Variants in ZNF414 observed in about 807,000 individuals in gnomAD.
ZNF414 encodes zinc finger protein 414.
In ZNF414, 32 loss-of-function variants were observed where a neutral mutation model predicts 38.3. The observed-to-expected ratio is 0.83, with a 90% CI of 0.63 to 1.12. ZNF414 has a LOEUF of 1.12. Ranked by LOEUF, ZNF414 falls within the 50% of genes most tolerant of loss-of-function variation. ZNF414 has a pLI of 0.00. For synonymous variants in ZNF414, 256 were observed against 248.0 expected (o/e 1.03, Z -0.30); for missense variants, 589 against 557.4 (o/e 1.06, Z -0.57).
At chr19:8,511,992 G>A in intron 4 of ZNF414, 32 bp from the exon 5 acceptor site, 2 of 1,401,222 alleles carry the variant, frequency 1.4e-6, no homozygotes, top group Non-Finnish European at 1.8e-6. Context: ...GGCTGGGCTG[G>A]GCCTCCAGGG....
In ZNF414 at chr19:8,511,503, C is replaced by T. The variant is rs373977921; in HGVS notation, c.908G>A (p.Gly303Asp). 1.3e-5 allele frequency: 21 copies of T among 1,609,914 alleles called. No individual in the cohort carries two copies. Among genetic ancestry groups the T allele is most frequent in the Non-Finnish European group, 1.8e-5 (21 of 1,178,506 alleles). ...GCACGCACCTGAGGGCGCGTCGGAG[C>T]CGCCCTGGGGTCTTCGGGGGCTGCT... The part of the protein sequence containing the change: ...AGSSPRRPQG[G>D]SDAPSGHAAP... Residue 303 changes from glycine to aspartate, a missense_variant, in exon 6 of 8, where the codon GGC becomes GAC. Physicochemically the swap from Gly to Asp is moderately conservative, Grantham distance 94. Coordinates refer to ENST00000393927, the MANE Select transcript of ZNF414 (RefSeq NM_001146175.2).
rs1064009 is a variant in ZNF414, at chr19:8,513,234, A to G, written c.111T>C (p.Pro37=). 0.17 allele frequency: 273,322 copies of G among 1,584,796 alleles called. 24,514 individuals carry two copies. Among genetic ancestry groups the G allele is most frequent in the African/African-American group, 0.29 (21,597 of 74,646 alleles). ...CTGGCTCCTCCGACATGGAGGAGGA[A>G]GGGGCTGCAGCTGGCACAGCCGGGG... ...VLSPAVPAAA[P]SSSMSEEPGP... is the part of the protein sequence containing the mutation. The change falls in exon 2 of 8, where the codon CCT becomes CCC. Residue 37 remains proline (P), a synonymous_variant. Transcript: ENST00000393927.
In ZNF414 at chr19:8,509,921, G is replaced by T. The variant is rs560779556; in HGVS notation, c.*770C>A. 6.6e-6 allele frequency: 1 copy of T among 152,062 alleles called. No homozygotes were observed. The highest frequency in any genetic ancestry group is 2.0e-4 in the East Asian group (1 of 5,036). The allele number at this position is 152,062 out of a possible 1,614,324, so 9.4% of individuals were successfully genotyped here. The stretch of plus-strand genomic sequence containing the variant: ...GCTGGTCTCGAACTCCTGACCTCAG[G>T]TGCTCCACCTGCCCCAGCCTCCCAA... On this transcript the variant is annotated 3_prime_UTR_variant, in exon 8 of 8. Coordinates refer to ENST00000393927, the MANE Select transcript of ZNF414 (RefSeq NM_001146175.2).
chr19:8,511,594 G>T, intron 5 of ZNF414, 23 bp downstream of exon 5: 1 of 1,524,188 alleles, frequency 6.6e-7, no homozygotes, highest in South Asian at 1.3e-5. Context: ...AGCCCTCCTG[G>T]AGGCCCCCGA....
At chr19:8,512,128 G>GAACTTGGGGA (rs1246957141) in intron 4 of ZNF414, 168 bp from the exon 5 acceptor site, 10 of 1,375,206 alleles carry the variant, frequency 7.3e-6, no homozygotes, top group Non-Finnish European at 9.4e-6. Flanking sequence ...CTTCGGGTGG[G>GAACTTGGGGA]AACCTGGGGA....
rs1971933852 is a variant in ZNF414, at chr19:8,512,594, C to T, written c.424+10G>A. On this transcript the variant is annotated intron_variant, in intron 3 of 7. Coordinates refer to ENST00000393927, the MANE Select transcript of ZNF414 (RefSeq NM_001146175.2). Reference sequence around the variant, plus strand: ...CTAACCTGCCTCCCCATTACCAGTCCTGGCCCTACCTTCCAGGGACTGTGT... The same window carrying T: ...CTAACCTGCCTCCCCATTACCAGTCTTGGCCCTACCTTCCAGGGACTGTGT... 10 of 1,591,386 alleles carry T rather than the reference C, an allele frequency of 6.3e-6. No homozygotes were observed. The highest frequency in any genetic ancestry group is 8.6e-6 in the Non-Finnish European group (10 of 1,167,508).
In ZNF414 at chr19:8,511,915, G is replaced by C; in HGVS notation, c.576C>G (p.Phe192Leu). The part of the protein sequence containing the change: ...LLRFRTHRSL[F>L]KHLHVCAEHA... ...GCTCCGCGCAAACATGCAGGTGCTT[G>C]AAGAGCGAGCGGTGCGTGCGGAAGC... Residue 192 changes from phenylalanine (F) to leucine (L), a missense_variant, in exon 5 of 8, where the codon TTC becomes TTG. By Grantham distance (22) the Phe-to-Leu change is conservative. Coordinates refer to ENST00000393927, the MANE Select transcript of ZNF414 (RefSeq NM_001146175.2). The C allele has an allele frequency of 1.4e-6, 2 of 1,416,234 alleles. No homozygotes were observed. Among genetic ancestry groups the C allele is most frequent in the Non-Finnish European group, 1.8e-6 (2 of 1,092,908 alleles). The allele number at this position is 1,416,234 out of a possible 1,614,324, so 87.7% of individuals were successfully genotyped here. A position where few individuals can be genotyped will look rare whatever the true frequency, so the allele number is the denominator to read the frequency against.
In ZNF414 at chr19:8,512,995, CTG is replaced by C. The variant is rs1254938054; in HGVS notation, c.316+32_316+33del. On this transcript the variant is annotated intron_variant, in intron 2 of 7. Transcript: ENST00000393927. The stretch of plus-strand genomic sequence containing the variant: ...CGTCTCGCTTCTATTGTTTCAGGGA[CTG>C]TGATTCCCCAGAAGACCCCATCACA... The C allele has an allele frequency of 3.5e-6, 5 of 1,435,782 alleles. No homozygotes were observed. The African/African-American group carries it at 5.8e-5, about 17-fold the overall frequency. 88.9% of individuals were successfully genotyped at this position (1,435,782 alleles called of 1,614,324 possible).
rs1447266068 is a variant in ZNF414 at position 8,510,915 on chromosome 19, C to T, written c.1035G>A (p.Glu345=). Reference sequence around the variant, plus strand: ...CCGCGGGGGCGCCGGGGCGGTGGTCCTCCAGGTGCAGGGTCATGGCGGGCC... The same window carrying T: ...CCGCGGGGGCGCCGGGGCGGTGGTCTTCCAGGTGCAGGGTCATGGCGGGCC... ...ASRPAMTLHL[E]DHRPGAPAAP... Residue 345 remains glutamate (E), a synonymous_variant, in exon 7 of 8, where the codon GAG becomes GAA. Coordinates refer to ENST00000393927, the MANE Select transcript of ZNF414 (RefSeq NM_001146175.2). 3.3e-6 allele frequency: 4 copies of T among 1,210,188 alleles called. No individual in the cohort carries two copies. Among genetic ancestry groups the T allele is most frequent in the Non-Finnish European group, 4.1e-6 (4 of 972,560 alleles). 75.0% of individuals were successfully genotyped at this position (1,210,188 alleles called of 1,614,324 possible).
In ZNF414 at chr19:8,510,348, T is replaced by G; in HGVS notation, c.*343A>C. The G allele has an allele frequency of 2.3e-5, 5 of 216,006 alleles. No homozygotes were observed. Among genetic ancestry groups the G allele is most frequent in the East Asian group, 9.2e-5 (1 of 10,908 alleles). The allele number at this position is 216,006 out of a possible 1,614,324, so 13.4% of individuals were successfully genotyped here. A position where few individuals can be genotyped will look rare whatever the true frequency, so the allele number is the denominator to read the frequency against. On this transcript the variant is annotated 3_prime_UTR_variant, in exon 8 of 8. Coordinates refer to ENST00000393927, the MANE Select transcript of ZNF414 (RefSeq NM_001146175.2). The stretch of plus-strand genomic sequence containing the variant: ...AGAAAACTGGAGAGTCCCCATCCCA[T>G]TTGGTTTCTGGACAAGGGAGAACGC...
chr19:8,510,544 A>C lies in ZNF414; in HGVS notation c.*147T>G. On this transcript the variant is annotated 3_prime_UTR_variant, in exon 8 of 8. Transcript: ENST00000393927. ...CATGACTGCTGGGCTCGAGCCCACT[A>C]TGCTTTGGATGGACAAGGGATGGGA... The C allele has an allele frequency of 4.4e-6, 4 of 917,100 alleles. No individual in the cohort carries two copies. Among genetic ancestry groups the C allele is most frequent in the Non-Finnish European group, 6.3e-6 (4 of 637,572 alleles). 56.8% of individuals were successfully genotyped at this position (917,100 alleles called of 1,614,324 possible).
In ZNF414 at chr19:8,512,720, C is replaced by A. The variant is rs371345891; in HGVS notation, c.317-9G>T. 25 of 1,509,286 alleles carry A rather than the reference C, an allele frequency of 1.7e-5. No individual in the cohort carries two copies. In the South Asian group the frequency reaches 3.3e-4, roughly 20 times the overall value. 93.5% of individuals were successfully genotyped at this position (1,509,286 alleles called of 1,614,324 possible). ...GCAAGGGATTTGCTTCCCTGCAGGACGCACAGAACAGTGGTCACTGGTCCC... is the reference window on the plus strand; with the variant it reads ...GCAAGGGATTTGCTTCCCTGCAGGAAGCACAGAACAGTGGTCACTGGTCCC... On this transcript the variant is annotated splice_polypyrimidine_tract_variant and intron_variant, in intron 2 of 7. Coordinates refer to ENST00000393927, the MANE Select transcript of ZNF414 (RefSeq NM_001146175.2).
intron 1 of ZNF414, 117 bp downstream of exon 1, chr19:8,513,927 G>T: frequency 8.1e-7 from 1 of 1,234,682 alleles, no homozygotes; most frequent in East Asian, 3.2e-5. Context: ...GACAGCCAGC[G>T]GCGGACGGGT....
rs11671768 is a variant in ZNF414, at chr19:8,510,234, G to C, written c.*457C>G. 29,738 of 149,300 alleles carry C rather than the reference G, an allele frequency of 0.2. 3,264 individuals are homozygous for C. The highest frequency in any genetic ancestry group is 0.28 in the African/African-American group (11,284 of 40,410). The allele number at this position is 149,300 out of a possible 1,614,324, so 9.2% of individuals were successfully genotyped here. A position where few individuals can be genotyped will look rare whatever the true frequency, so the allele number is the denominator to read the frequency against. On this transcript the variant is annotated 3_prime_UTR_variant, in exon 8 of 8. Coordinates refer to ENST00000393927, the MANE Select transcript of ZNF414 (RefSeq NM_001146175.2). ...GAACCCAGGAGGTGGAGCTTGCAGT[G>C]AGAGGAGATTGTGCCACTGCACTCC...
rs774731980 is a variant in ZNF414 at position 8,512,696 on chromosome 19, C to G, written c.332G>C (p.Cys111Ser). 20 of 1,548,422 alleles carry G rather than the reference C, an allele frequency of 1.3e-5. No individual in the cohort carries two copies. The highest frequency in any genetic ancestry group is 4.6e-5 in the East Asian group (2 of 43,756). The change falls in exon 3 of 8, where the codon TGC becomes TCC. Residue 111 changes from cysteine (C) to serine (S), a missense_variant. Physicochemically the swap from Cys to Ser is moderately radical, Grantham distance 112. Transcript: ENST00000393927. ...ACTGAGGCAGCAGCCAGGGCTGGAG[C>G]AAGGGATTTGCTTCCCTGCAGGACG... Reference protein sequence around the residue: ...RRPPPGKQIPCSSPGCCLSFP... With the variant: ...RRPPPGKQIPSSSPGCCLSFP...
In ZNF414 at chr19:8,510,781, A is replaced by AG. The variant is rs1169181089; in HGVS notation, c.1100-18dup. 1 of 1,537,236 alleles carries AG rather than the reference A, an allele frequency of 6.5e-7. No homozygotes were observed. Reference sequence around the variant, plus strand: ...GGGCCGGATCTGGGTGGGGCAGAGGAGGGGGGCGCCTGAGCCTCAGCGCCT... The same window carrying AG: ...GGGCCGGATCTGGGTGGGGCAGAGGAGGGGGGGCGCCTGAGCCTCAGCGCCT... On this transcript the variant is annotated splice_polypyrimidine_tract_variant and intron_variant, in intron 7 of 7. Transcript: ENST00000393927.
At chr19:8,511,268 G>T in intron 6 of ZNF414, 1 of 1,398,332 alleles carries the variant, frequency 7.2e-7, no homozygotes, top group Non-Finnish European at 9.3e-7. Flanking sequence ...GCTCCGAGGT[G>T]AACGGTGAAA....
rs769959566 is a variant in ZNF414, at chr19:8,511,481, C to A, written c.925+5G>T. On this transcript the variant is annotated splice_donor_5th_base_variant and intron_variant, in intron 6 of 7. Coordinates refer to ENST00000393927, the MANE Select transcript of ZNF414 (RefSeq NM_001146175.2). ...CACCCCTCCCTGGTGGTCACCTGCA[C>A]GCACCTGAGGGCGCGTCGGAGCCGC... The A allele has an allele frequency of 2.2e-5, 35 of 1,610,876 alleles. No homozygotes were observed. Among genetic ancestry groups the A allele is most frequent in the Non-Finnish European group, 2.8e-5 (33 of 1,179,016 alleles).
At chr19:8,512,776 G>A in intron 2 of ZNF414, 65 bp from the exon 3 acceptor site, 2 of 1,401,504 alleles carry the variant, frequency 1.4e-6, no homozygotes, top group South Asian at 1.5e-5. Flanking sequence ...TGACCCCAGG[G>A]TTCTGCCCCA....
Sources: allele counts gnomAD v4.1 joint callset, GRCh38; gene constraint gnomAD v4.1.1; transcripts MANE v1.5; gene names NCBI Gene and HGNC (gene_info 2026-07-23, HGNC 2026-07-21).